The following KATNAL2 variants were observed in gnomAD, a reference collection of about 807,000 sequenced individuals.
KATNAL2 encodes katanin p60 ATPase-containing subunit A-like 2.
A neutral mutation model predicts 76.3 loss-of-function variants in KATNAL2; 52 were observed. The ratio of observed to expected loss-of-function variants is 0.68; its 90% CI spans 0.55 to 0.86. The LOEUF (loss-of-function observed/expected upper bound fraction) is 0.86, where lower values mean the gene tolerates loss of function less well. Among genes scored for constraint, KATNAL2 ranks in the 40% least tolerant of loss-of-function variants. The pLI is 0.00. For synonymous variants in KATNAL2, 243 were observed against 244.2 expected (o/e 1.00, Z 0.05); for missense variants, 660 against 668.9 (o/e 0.99, Z 0.15).
intron 15 of KATNAL2, among the ~76,000 whole-genome samples, chr18:47,083,658 G>A (rs2062636935): frequency 6.6e-6 from 1 of 152,178 alleles, no homozygotes; most frequent in Non-Finnish European, 1.5e-5. Context: ...GTCAATTGAT[G>A]TATAAACAAG....
chr18:47,101,395 T>C lies in KATNAL2; in HGVS notation c.*390T>C, dbSNP rs1416947865. On this transcript the variant is annotated 3_prime_UTR_variant, in exon 18 of 18. Transcript: ENST00000683218. ...ATGACCCTGAGTTGGGGCAGCCAAG[T>C]AGAAGCTAAGCTTGACAGGCACTGC... 2.0e-5 allele frequency: 4 copies of C among 197,756 alleles called. No individual in the cohort carries two copies. The highest frequency in any genetic ancestry group is 1.2e-4 in the East Asian group (1 of 8,586). The allele number at this position is 197,756 out of a possible 1,614,324, so 12.3% of individuals were successfully genotyped here.
chr18:47,059,714 G>T, intron 8 of KATNAL2, 60 bp downstream of exon 8: 2 of 1,196,516 alleles, frequency 1.7e-6, no homozygotes, highest in South Asian at 1.3e-5. Flanking sequence ...TTTTAAACAT[G>T]AAAACAAAAA....
In KATNAL2 at chr18:47,093,261, A is replaced by C. The variant is rs1364705715; in HGVS notation, c.1212-5982A>C. On this transcript the variant is annotated intron_variant, in intron 15 of 17. Coordinates refer to ENST00000683218, the MANE Select transcript of KATNAL2 (RefSeq NM_001387690.1). ...TGAATTAATGTCTGTAAAATGCTTGAGACATTGCCTGCCACTTAGTTAAGT... is the reference window on the plus strand; with the variant it reads ...TGAATTAATGTCTGTAAAATGCTTGCGACATTGCCTGCCACTTAGTTAAGT... Among the ~76,000 whole-genome samples, 21 of 152,352 alleles carry C rather than the reference A, an allele frequency of 1.4e-4. No homozygotes were observed. The East Asian group carries it at 3.9e-3, about 28-fold the overall frequency.
In KATNAL2 at chr18:46,948,260, G is replaced by A. The variant is rs139616415; in HGVS notation, c.51+1337G>A. On this transcript the variant is annotated intron_variant, in intron 3 of 17. Transcript: ENST00000683218. ...CGAGTAGCTGGGACTGCAGTTATGC[G>A]CCACCATGCCCAGCTAACTTTTTGT... 5.6e-3 allele frequency among the ~76,000 whole-genome samples: 851 copies of A among 151,662 alleles called. 6 individuals carry two copies. The highest frequency in any genetic ancestry group is 0.019 in the African/African-American group (790 of 41,334).
intron 13 of KATNAL2, among the ~76,000 whole-genome samples, chr18:47,074,330 T>C (rs1001118497): frequency 2.0e-5 from 3 of 152,214 alleles, no homozygotes; most frequent in African/African-American, 7.2e-5. Flanking sequence ...AGGGATGAGC[T>C]GCTGCTGCTC....
chr18:46,961,456 T>C (rs1039825997), intron 3 of KATNAL2, among the ~76,000 whole-genome samples: 2 of 152,200 alleles, frequency 1.3e-5, no homozygotes, highest in African/African-American at 4.8e-5. Context: ...AGTTTTCTGA[T>C]AAACAAAGGT....
At chr18:47,044,921 CA>C (rs1391838294) in intron 3 of KATNAL2, among the ~76,000 whole-genome samples, 4 of 151,952 alleles carry the variant, frequency 2.6e-5, no homozygotes, top group African/African-American at 9.7e-5. Context: ...CTCATCTCTA[CA>C]AAAAATATAG....
At chr18:47,056,636 G>A (rs992500731) in intron 6 of KATNAL2, among the ~76,000 whole-genome samples, 1 of 152,148 alleles carries the variant, frequency 6.6e-6, no homozygotes, top group Non-Finnish European at 1.5e-5. Context: ...ACCATCCTCA[G>A]AACCAATTTA....
intron 4 of KATNAL2, 29 bp from the exon 5 acceptor site, chr18:47,052,851 T>C (rs2061374508): frequency 6.5e-7 from 1 of 1,539,052 alleles, no homozygotes; most frequent in East Asian, 2.3e-5. Flanking sequence ...CTCAGTTAAT[T>C]TCTTCTTTTT....
At chr18:47,037,234 G>T (rs1289288687) in intron 3 of KATNAL2, among the ~76,000 whole-genome samples, 2 of 152,152 alleles carry the variant, frequency 1.3e-5, no homozygotes, top group African/African-American at 2.4e-5. Flanking sequence ...TATCTTCTGG[G>T]TCTAAAACTG....
At chr18:46,948,888 T>TTGTGTG (rs71264810) in intron 3 of KATNAL2, among the ~76,000 whole-genome samples, 2,479 of 145,670 alleles carry the variant, frequency 0.017, 67 homozygotes, top group African/African-American at 0.053. Flanking sequence ...AGTATCTGCA[T>TTGTGTG]TGTGTGTGTG....
At chr18:47,099,620 C>T (rs1599900172) in intron 16 of KATNAL2, among the ~76,000 whole-genome samples, 1 of 152,316 alleles carries the variant, frequency 6.6e-6, no homozygotes, top group South Asian at 2.1e-4. Context: ...GTGGAAACAG[C>T]ATAGGGTTTA....
At chr18:47,054,316 A>C in intron 5 of KATNAL2, 80 bp from the exon 6 acceptor site, 1 of 1,249,720 alleles carries the variant, frequency 8.0e-7, no homozygotes, top group Non-Finnish European at 1.2e-6. Context: ...CAATGCAAAA[A>C]GGGGAAACAT....
chr18:47,071,275 C>T (rs1198451085), intron 13 of KATNAL2, among the ~76,000 whole-genome samples: 1 of 152,160 alleles, frequency 6.6e-6, no homozygotes, highest in Non-Finnish European at 1.5e-5. Flanking sequence ...GCTGGGATTA[C>T]AGGCATGAGC....
At chr18:46,943,222 G>C (rs906100153) in intron 1 of KATNAL2, among the ~76,000 whole-genome samples, 2 of 152,028 alleles carry the variant, frequency 1.3e-5, no homozygotes, top group African/African-American at 4.8e-5. Context: ...CAAATTTCTA[G>C]AATTTTTTTT....
intron 3 of KATNAL2, chr18:47,032,621 C>A: frequency 3.3e-6 from 1 of 299,450 alleles, no homozygotes; most frequent in Non-Finnish European, 6.2e-6. Flanking sequence ...CAACTAATGG[C>A]TTGTGTGTTT....
At chr18:47,097,876 T>G (rs979537871) in intron 15 of KATNAL2, among the ~76,000 whole-genome samples, 7 of 152,092 alleles carry the variant, frequency 4.6e-5, no homozygotes, top group Admixed American at 3.3e-4. Context: ...GATCCTCTCC[T>G]CCTCCCACCC....
At chr18:47,099,714 G>C (rs2063391790) in intron 16 of KATNAL2, among the ~76,000 whole-genome samples, 1 of 152,100 alleles carries the variant, frequency 6.6e-6, no homozygotes, top group Non-Finnish European at 1.5e-5. Flanking sequence ...CTTTGAGCCT[G>C]TTTCTTCATC....
At chr18:47,045,451 G>C (rs942889936) in intron 3 of KATNAL2, among the ~76,000 whole-genome samples, 1 of 151,492 alleles carries the variant, frequency 6.6e-6, no homozygotes, top group African/African-American at 2.4e-5. Flanking sequence ...TCAGCCTCTC[G>C]AGTAGCTGGG....
Sources: gnomAD v4.1 joint callset for allele counts (sites outside exome capture counted in the v4.1 genomes callset) on GRCh38, gnomAD v4.1.1 for gene constraint, MANE v1.5 for transcripts, NCBI Gene and HGNC (gene_info 2026-07-23, HGNC 2026-07-21) for gene names.